RFX3: variants seen among roughly 807,000 people sequenced by gnomAD.
RFX3 encodes the protein transcription factor RFX3.
Under a neutral mutation model 98.6 loss-of-function variants are expected in RFX3, and 14 were observed. The ratio of observed to expected loss-of-function variants is 0.14; its 90% CI spans 0.09 to 0.22. The LOEUF (loss-of-function observed/expected upper bound fraction) is 0.22, where lower values mean the gene tolerates loss of function less well. Ranked by LOEUF, RFX3 falls within the 10% of genes least tolerant of loss-of-function variation. The pLI is 1.00. For synonymous variants in RFX3, 383 were observed against 328.4 expected (o/e 1.17, Z -1.80); for missense variants, 639 against 926.9 (o/e 0.69, Z 4.03).
At chr9:3,271,212 T>G (rs956421255) in intron 9 of RFX3, 94 bp from the exon 10 acceptor site, 1 of 1,061,682 alleles carries the variant, frequency 9.4e-7, no homozygotes, top group African/African-American at 1.6e-5. Flanking sequence ...TATGGTCAAG[T>G]TCTCCCTTGG....
At chr9:3,255,335 C>T (rs796727127) in intron 14 of RFX3, among the ~76,000 whole-genome samples, 13 of 152,312 alleles carry the variant, frequency 8.5e-5, no homozygotes, top group African/African-American at 2.6e-4. Context: ...CTATTAGTTC[C>T]TACATTCTAT....
intron 1 of RFX3, among the ~76,000 whole-genome samples, chr9:3,504,133 A>G (rs1024117400): frequency 8.2e-6 from 1 of 121,888 alleles, no homozygotes; most frequent in Non-Finnish European, 1.5e-5. Flanking sequence ...CTCTCTTTAT[A>G]TATATTATAT....
intron 1 of RFX3, among the ~76,000 whole-genome samples, chr9:3,519,957 T>C (rs572071910): frequency 3.6e-4 from 55 of 151,478 alleles, no homozygotes; most frequent in Non-Finnish European, 5.2e-4. Context: ...AATTGAAATG[T>C]TTTAAATTTT....
At chr9:3,284,196 G>C (rs1428087739) in intron 7 of RFX3, among the ~76,000 whole-genome samples, 2 of 151,630 alleles carry the variant, frequency 1.3e-5, no homozygotes, top group African/African-American at 4.8e-5. Context: ...AAAAGCATTT[G>C]GCTTTTACTA....
chr9:3,342,957 C>A (rs1027176176), intron 3 of RFX3, among the ~76,000 whole-genome samples: 1 of 152,226 alleles, frequency 6.6e-6, no homozygotes, highest in South Asian at 2.1e-4. Flanking sequence ...CAAAAAGGTA[C>A]TCTATTCCAA....
intron 9 of RFX3, among the ~76,000 whole-genome samples, chr9:3,271,467 CCTT>C (rs1394526016): frequency 1.0e-4 from 14 of 139,764 alleles, no homozygotes; most frequent in Admixed American, 8.6e-4. Flanking sequence ...CTTCCTTCCT[CCTT>C]TCTTTCCTTC....
intron 15 of RFX3, among the ~76,000 whole-genome samples, chr9:3,234,399 G>T (rs1340985171): frequency 2.0e-5 from 3 of 152,174 alleles, no homozygotes; most frequent in African/African-American, 7.2e-5. Context: ...AGCACTTTGG[G>T]AAGCACAGGT....
intron 7 of RFX3, among the ~76,000 whole-genome samples, chr9:3,285,405 C>T (rs1008292247): frequency 6.6e-6 from 1 of 151,670 alleles, no homozygotes; most frequent in Non-Finnish European, 1.5e-5. Flanking sequence ...TTAAGAAGTT[C>T]TTTTCCCACT....
At position 3,360,309 on chromosome 9, in the gene RFX3, A is replaced by G. The variant is rs539028947; in HGVS notation, c.118-13545T>C. ...TGAAATGGGCAAAATGTGAACTGAA[A>G]AGAGAAGAACAAAGGTGGAATTAGC... On this transcript the variant is annotated intron_variant, in intron 2 of 16. Coordinates refer to ENST00000617270, the MANE Select transcript of RFX3 (RefSeq NM_001282116.2). Among the ~76,000 whole-genome samples, 5 of 152,280 alleles carry G rather than the reference A, an allele frequency of 3.3e-5. No individual in the cohort carries two copies. The South Asian group carries it at 1.0e-3, about 32-fold the overall frequency.
At chr9:3,412,086 C>G (rs1842509695) in intron 1 of RFX3, among the ~76,000 whole-genome samples, 1 of 152,160 alleles carries the variant, frequency 6.6e-6, no homozygotes, top group African/African-American at 2.4e-5. Context: ...CCAAAATATT[C>G]AGTGTCTCAA....
At chr9:3,401,133 T>C (rs1841436697) in intron 1 of RFX3, among the ~76,000 whole-genome samples, 1 of 152,224 alleles carries the variant, frequency 6.6e-6, no homozygotes, top group African/African-American at 2.4e-5. Flanking sequence ...GTATTTCTTC[T>C]CTTTCAACAG....
At chr9:3,269,729 AC>A (rs1011206645) in intron 11 of RFX3, among the ~76,000 whole-genome samples, 1 of 152,188 alleles carries the variant, frequency 6.6e-6, no homozygotes, top group African/African-American at 2.4e-5. Context: ...TTGTGTAGTT[AC>A]AAAGATTTTT....
At chr9:3,356,745 C>T (rs914987857) in intron 2 of RFX3, among the ~76,000 whole-genome samples, 1 of 151,788 alleles carries the variant, frequency 6.6e-6, no homozygotes, top group Admixed American at 6.6e-5. Context: ...ATAAGTAGAT[C>T]TAATCTAATA....
At chr9:3,331,253 T>C (rs913877260) in intron 3 of RFX3, among the ~76,000 whole-genome samples, 4 of 152,212 alleles carry the variant, frequency 2.6e-5, no homozygotes, top group African/African-American at 9.7e-5. Flanking sequence ...CTGTCAGTCC[T>C]TATCTCTTGT....
intron 1 of RFX3, among the ~76,000 whole-genome samples, chr9:3,523,902 G>A (rs879882522): frequency 1.3e-5 from 2 of 152,132 alleles, no homozygotes; most frequent in Non-Finnish European, 2.9e-5. Context: ...ATTTAAAATA[G>A]CAATCACAAG....
In RFX3 at chr9:3,330,315, A is replaced by C. The variant is rs1233070068; in HGVS notation, c.418T>G (p.Ser140Ala). ...ACTGAGTGACCAGAATTCTCCATTG[A>C]GTTGCCGATCAGATAGGTTCCTCCA... ...SSGGTYLIGN[S>A]MENSGHSVTH... The change falls in exon 4 of 17, where the codon TCA (serine) becomes GCA (alanine). Residue 140 changes from serine to alanine, a missense_variant. Around this residue, in one of 9 missense-constraint regions of RFX3, gnomAD observed 210 missense variants for 197.7 expected, o/e 1.06. Coordinates refer to ENST00000617270, the MANE Select transcript of RFX3 (RefSeq NM_001282116.2). 1 of 1,613,978 alleles carries C rather than the reference A, an allele frequency of 6.2e-7. No individual in the cohort carries two copies. The highest frequency in any genetic ancestry group is 1.3e-5 in the African/African-American group (1 of 74,920).
chr9:3,411,309 C>T (rs919925302), intron 1 of RFX3, among the ~76,000 whole-genome samples: 2 of 152,080 alleles, frequency 1.3e-5, no homozygotes, highest in Non-Finnish European at 2.9e-5. Flanking sequence ...ATCTTCCTCG[C>T]TCTGTGTCTT....
chr9:3,271,437 TTCCCTCCCTCCC>T lies in RFX3; in HGVS notation c.1087-331_1087-320del, dbSNP rs1297656248. Among the ~76,000 whole-genome samples the T allele has an allele frequency of 4.0e-5, 6 of 151,678 alleles. No homozygotes were observed. In the South Asian group the frequency reaches 1.3e-3, roughly 32 times the overall value. On this transcript the variant is annotated intron_variant, in intron 9 of 16. Transcript: ENST00000617270. ...TTGCTTTCATTCCTCTCTTCTTTCC[TTCCCTCCCTCCC>T]TCCCTTCCTTCCTTCCTCCTTTCTT...
intron 10 of RFX3, 100 bp downstream of exon 10, chr9:3,270,903 T>A: frequency 6.6e-7 from 1 of 1,524,640 alleles, no homozygotes; most frequent in South Asian, 1.2e-5. Context: ...TCAATTAATG[T>A]CATCAGGTAA....
Sources: allele counts gnomAD v4.1 joint callset (sites outside exome capture counted in the v4.1 genomes callset), GRCh38; gene constraint gnomAD v4.1.1; regional missense constraint gnomAD v4.1.1; transcripts MANE v1.5; gene names NCBI Gene and HGNC (gene_info 2026-07-23, HGNC 2026-07-21).